Variants in PCMT1 observed in about 807,000 individuals in gnomAD.
PCMT1 encodes protein-L-isoaspartate(D-aspartate) O-methyltransferase.
Under a neutral mutation model 29.2 loss-of-function variants are expected in PCMT1, and 9 were observed. That is an observed-to-expected ratio of 0.31 (90% CI 0.19 to 0.54). The LOEUF is 0.54. Among genes scored for constraint, PCMT1 ranks in the 20% least tolerant of loss-of-function variants. The pLI is 0.95. For synonymous variants in PCMT1, 98 were observed against 97.5 expected (o/e 1.00, Z -0.03); for missense variants, 184 against 282.2 (o/e 0.65, Z 2.49).
In PCMT1 at chr6:149,788,237, G is replaced by A. The variant is rs190777760; in HGVS notation, c.193-1717G>A. 4.5e-4 allele frequency among the ~76,000 whole-genome samples: 68 copies of A among 152,260 alleles called. 1 individual carries two copies. The highest frequency in any genetic ancestry group is 4.3e-3 in the Admixed American group (66 of 15,290). ...CAATGCTCTTTACCTTTAAAAATAA[G>A]GACATTCTCTTACATACCCATAGTA... On this transcript the variant is annotated intron_variant, in intron 3 of 7. Coordinates refer to ENST00000464889, the MANE Select transcript of PCMT1 (RefSeq NM_001360452.2).
chr6:149,749,762 A>ACGGCAGTAACAG lies in PCMT1; in HGVS notation c.-133_-122dup, dbSNP rs1786221230. 1.3e-6 allele frequency: 2 copies of ACGGCAGTAACAG among 1,546,788 alleles called. No homozygotes were observed. Among genetic ancestry groups the ACGGCAGTAACAG allele is most frequent in the South Asian group, 1.2e-5 (1 of 83,942 alleles). Reference sequence around the variant, plus strand: ...GCGCGCAGTGGCGGCAGCGGCGGCGACGGCAGTAACAGCGGCAGCTACAGC... The same window carrying ACGGCAGTAACAG: ...GCGCGCAGTGGCGGCAGCGGCGGCGACGGCAGTAACAGCGGCAGTAACAGCGGCAGCTACAGC... On this transcript the variant is annotated 5_prime_UTR_variant, in exon 1 of 8. Coordinates refer to ENST00000464889, the MANE Select transcript of PCMT1 (RefSeq NM_001360452.2).
intron 6 of PCMT1, among the ~76,000 whole-genome samples, chr6:149,799,534 T>G (rs1788740016): frequency 1.3e-5 from 2 of 152,220 alleles, no homozygotes; most frequent in African/African-American, 4.8e-5. Flanking sequence ...TTTAATACAT[T>G]CCATGCACTA....
chr6:149,788,006 C>G (rs1788195395), intron 3 of PCMT1, among the ~76,000 whole-genome samples: 1 of 152,120 alleles, frequency 6.6e-6, no homozygotes, highest in Non-Finnish European at 1.5e-5. Flanking sequence ...CAAGCTCCGC[C>G]TCTCGGGTTC....
In PCMT1 at chr6:149,802,286, G is replaced by A. The variant is rs1183798793; in HGVS notation, c.591G>A (p.Lys197=). 1.9e-6 allele frequency: 3 copies of A among 1,613,628 alleles called. No individual in the cohort carries two copies. The highest frequency in any genetic ancestry group is 4.5e-5 in the East Asian group (2 of 44,890). ...GGNQMLEQYD[K]LQDGSIKMKP... ...ACCAAATGTTGGAGCAGTATGACAA[G>A]CTACAAGATGGCAGCATCAAAATGA... The change falls in exon 7 of 8, where the codon AAG becomes AAA. Residue 197 remains lysine (K), a synonymous_variant. Transcript: ENST00000464889.
intron 3 of PCMT1, among the ~76,000 whole-genome samples, chr6:149,774,441 A>G (rs1321993694): frequency 2.0e-5 from 3 of 147,532 alleles, no homozygotes; most frequent in African/African-American, 7.5e-5. Flanking sequence ...GGGCTTCACT[A>G]TGTTGGCCAG....
chr6:149,805,437 C>G (rs1287149119), intron 7 of PCMT1, among the ~76,000 whole-genome samples: 1 of 150,372 alleles, frequency 6.7e-6, no homozygotes, highest in Non-Finnish European at 1.5e-5. Flanking sequence ...CCTAAAAATA[C>G]AAAAAAATTA....
chr6:149,772,720 AAAG>A (rs891325361), intron 2 of PCMT1: 12 of 396,434 alleles, frequency 3.0e-5, no homozygotes, highest in Non-Finnish European at 5.4e-5. Context: ...AAAAACTAAA[AAAG>A]AATTATTGTG....
Position 149,796,451 on chromosome 6 carries a change from C to T in PCMT1, c.455C>T (p.Pro152Leu). The change falls in exon 6 of 8, where the codon CCT becomes CTT. Residue 152 changes from proline to leucine, a missense_variant. Coordinates refer to ENST00000464889, the MANE Select transcript of PCMT1 (RefSeq NM_001360452.2). ...DGRMGYAEEA[P>L]YDAIHVGAAA... ...AGAATGGGATATGCTGAAGAAGCCC[C>T]TTATGATGCCATTCATGTGGGAGCT... The T allele has an allele frequency of 6.2e-7, 1 of 1,613,756 alleles. No homozygotes were observed. The highest frequency in any genetic ancestry group is 8.5e-7 in the Non-Finnish European group (1 of 1,179,902).
At chr6:149,759,728 CAG>C (rs1367626354) in intron 1 of PCMT1, among the ~76,000 whole-genome samples, 6 of 152,136 alleles carry the variant, frequency 3.9e-5, no homozygotes, top group Middle Eastern at 3.4e-3. Flanking sequence ...CTCCTGACCT[CAG>C]GTGATCCACC....
intron 7 of PCMT1, among the ~76,000 whole-genome samples, chr6:149,803,624 A>C (rs1317281406): frequency 6.6e-6 from 1 of 152,110 alleles, no homozygotes; most frequent in Non-Finnish European, 1.5e-5. Flanking sequence ...ACGGCTTTAC[A>C]GTTTCCTTGT....
intron 3 of PCMT1, among the ~76,000 whole-genome samples, chr6:149,788,734 C>G (rs542793090): frequency 7.9e-5 from 12 of 152,146 alleles, no homozygotes; most frequent in Non-Finnish European, 1.3e-4. Flanking sequence ...ACTATTTTTC[C>G]TTTTGTGATT....
intron 1 of PCMT1, among the ~76,000 whole-genome samples, chr6:149,769,073 C>G (rs1315980963): frequency 6.6e-6 from 1 of 151,978 alleles, no homozygotes; most frequent in African/African-American, 2.4e-5. Context: ...GTTTTAAATA[C>G]TGGTTTTCTT....
At chr6:149,784,308 A>G (rs764409413) in intron 3 of PCMT1, among the ~76,000 whole-genome samples, 26 of 152,170 alleles carry the variant, frequency 1.7e-4, no homozygotes, top group Non-Finnish European at 3.5e-4. Context: ...TTAAGCTCCC[A>G]AGTGCTTGGA....
intron 3 of PCMT1, among the ~76,000 whole-genome samples, chr6:149,784,602 C>T (rs904421289): frequency 1.3e-5 from 2 of 151,896 alleles, no homozygotes; most frequent in African/African-American, 4.8e-5. Flanking sequence ...GTAGCTGGGA[C>T]TACAGGTGTG....
At chr6:149,787,392 A>T (rs1479766091) in intron 3 of PCMT1, among the ~76,000 whole-genome samples, 1 of 149,800 alleles carries the variant, frequency 6.7e-6, no homozygotes, top group African/African-American at 2.5e-5. Context: ...TTTGAGACGG[A>T]ATCTCGCTCT....
chr6:149,778,288 G>A (rs895282350), intron 3 of PCMT1, among the ~76,000 whole-genome samples: 2 of 151,916 alleles, frequency 1.3e-5, no homozygotes, highest in African/African-American at 4.8e-5. Context: ...GAGTGCAGTG[G>A]CACAGTCTCA....
At chr6:149,773,376 GTTTTGTTTTGTTTTGT>G (rs1461692628) in intron 3 of PCMT1, among the ~76,000 whole-genome samples, 1 of 151,382 alleles carries the variant, frequency 6.6e-6, no homozygotes, top group African/African-American at 2.4e-5. Context: ...GTTTTGTTTT[GTTTTGTTTTGTTTTGT>G]TTTTGAGATG....
At chr6:149,803,052 C>CAAAAAAA (rs60853264) in intron 7 of PCMT1, among the ~76,000 whole-genome samples, 37 of 70,562 alleles carry the variant, frequency 5.2e-4, no homozygotes, top group Non-Finnish European at 8.8e-4. Flanking sequence ...GGCTCTGTCT[C>CAAAAAAA]AAAAAAAAAA....
chr6:149,756,876 C>T (rs984707326), intron 1 of PCMT1, among the ~76,000 whole-genome samples: 1 of 151,594 alleles, frequency 6.6e-6, no homozygotes, highest in African/African-American at 2.4e-5. Context: ...TAAAATTGGC[C>T]GGGCGTGGTG....
Sources: allele counts gnomAD v4.1 joint callset (sites outside exome capture counted in the v4.1 genomes callset), GRCh38; gene constraint gnomAD v4.1.1; transcripts MANE v1.5; gene names NCBI Gene and HGNC (gene_info 2026-07-23, HGNC 2026-07-21).